Variants in RTEL1 observed in about 807,000 individuals in gnomAD.
RTEL1 encodes the protein regulator of telomere elongation helicase 1, also known as regulator of telomere length.
Under a neutral mutation model 162.2 loss-of-function variants are expected in RTEL1, and 86 were observed. The observed-to-expected ratio is 0.53, with a 90% CI of 0.45 to 0.63. The LOEUF is 0.63. RTEL1 is among the 30% of genes least tolerant of loss of function. RTEL1 has a pLI of 0.00. For synonymous variants in RTEL1, 958 were observed against 717.9 expected (o/e 1.33, Z -5.35); for missense variants, 1,941 against 1,750.2 (o/e 1.11, Z -1.95).
chr20:63,662,542 C>A lies in RTEL1; in HGVS notation c.396-4C>A. The A allele has an allele frequency of 6.2e-7, 1 of 1,614,036 alleles. No individual in the cohort carries two copies. Among genetic ancestry groups the A allele is most frequent in the Non-Finnish European group, 8.5e-7 (1 of 1,180,016 alleles). ...CCTCGACCCACGGTGCTCTCTCCCACCAGGCCTAAGGTGTGTGTGCTGGGC... is the reference window on the plus strand; with the variant it reads ...CCTCGACCCACGGTGCTCTCTCCCAACAGGCCTAAGGTGTGTGTGCTGGGC... On this transcript the variant is annotated splice_polypyrimidine_tract_variant and splice_region_variant and intron_variant, in intron 4 of 34. Transcript: ENST00000360203.
chr20:63,695,420 G>A lies in RTEL1; in HGVS notation c.3592G>A (p.Glu1198Lys), dbSNP rs771457769. 3.9e-5 allele frequency: 61 copies of A among 1,563,212 alleles called. No homozygotes were observed. The highest frequency in any genetic ancestry group is 4.9e-5 in the Non-Finnish European group (57 of 1,153,686). ...RPAGTVGAGG[E>K]DAGPSQSSGP... ...AGCAGGGACTGTGGGGGCGGGCGGT[G>A]AGGATGCAGGTCCCAGCCAGTCCTC... Residue 1198 changes from glutamate (E) to lysine (K), a missense_variant, in exon 34 of 35, where the codon GAG becomes AAG. Glu to Lys is a moderately conservative substitution (Grantham distance 56). Coordinates refer to ENST00000360203, the MANE Select transcript of RTEL1 (RefSeq NM_001283009.2).
At position 63,693,277 on chromosome 20, in the gene RTEL1, C is replaced by T; in HGVS notation, c.2986C>T (p.Pro996Ser). Residue 996 changes from proline to serine, a missense_variant, in exon 30 of 35, where the codon CCC becomes TCC. Pro to Ser is a moderately conservative substitution (Grantham distance 74). Coordinates refer to ENST00000360203, the MANE Select transcript of RTEL1 (RefSeq NM_001283009.2). ...RRQRAQPVLD[P>S]TGRTAPDPKL... Reference sequence around the variant, plus strand: ...GCAGCGGGCACAGCCGGTCCTGGACCCCACTGGTAAATGGGGCCCCAGGTG... The same window carrying T: ...GCAGCGGGCACAGCCGGTCCTGGACTCCACTGGTAAATGGGGCCCCAGGTG... 3 of 1,611,674 alleles carry T rather than the reference C, an allele frequency of 1.9e-6. No individual in the cohort carries two copies. The highest frequency in any genetic ancestry group is 1.7e-6 in the Non-Finnish European group (2 of 1,179,358).
Position 63,677,895 on chromosome 20 carries a change from C to A in RTEL1, c.920-250C>A, listed in dbSNP as rs58945847. On this transcript the variant is annotated intron_variant, in intron 10 of 34. Coordinates refer to ENST00000360203, the MANE Select transcript of RTEL1 (RefSeq NM_001283009.2). Reference sequence around the variant, plus strand: ...GATTCTGTGTGGCCTCTTCCTTCCCCTGTTGGTGGATTTGGCCTGCACGGA... The same window carrying A: ...GATTCTGTGTGGCCTCTTCCTTCCCATGTTGGTGGATTTGGCCTGCACGGA... Among the ~76,000 whole-genome samples, 14 of 48,238 alleles carry A rather than the reference C, an allele frequency of 2.9e-4. No homozygotes were observed. In the South Asian group the frequency reaches 9.3e-3, roughly 32 times the overall value. 31.6% of individuals were successfully genotyped at this position (48,238 alleles called of 152,430 possible).
intron 2 of RTEL1, among the ~76,000 whole-genome samples, chr20:63,659,809 C>T (rs1050605321): frequency 3.4e-4 from 47 of 140,254 alleles, no homozygotes; most frequent in African/African-American, 1.3e-3. Context: ...AGGGGACCGG[C>T]GCTCAGCATA....
At position 63,659,398 on chromosome 20, in the gene RTEL1, C is replaced by T. The variant is rs2089972643; in HGVS notation, c.-5C>T. On this transcript the variant is annotated 5_prime_UTR_variant, in exon 2 of 35. Transcript: ENST00000360203. The stretch of plus-strand genomic sequence containing the variant: ...CGCTCTGTGCCCTTCTGAGAACAGG[C>T]TGATATGCCCAAGATAGTCCTGAAT... 1 of 1,611,594 alleles carries T rather than the reference C, an allele frequency of 6.2e-7. No homozygotes were observed. The highest frequency in any genetic ancestry group is 1.3e-5 in the African/African-American group (1 of 74,886).
At position 63,674,092 on chromosome 20, in the gene RTEL1, A is replaced by G; in HGVS notation, c.918A>G (p.Pro306=). ...AGTTCAGCGCGGACTCCCCCAGCCC[A>G]GGTGCGTTCATAGCCAGACTGCTTG... ...HPEFSADSPS[P]GLNMELEDIA... The change falls in exon 10 of 35, where the codon CCA becomes CCG. Residue 306 remains proline (P), a splice_region_variant and synonymous_variant. Coordinates refer to ENST00000360203, the MANE Select transcript of RTEL1 (RefSeq NM_001283009.2). 6.2e-7 allele frequency: 1 copy of G among 1,608,394 alleles called. No homozygotes were observed.
chr20:63,689,814 G>A lies in RTEL1; in HGVS notation c.2090G>A (p.Arg697Gln), dbSNP rs1176364985. The A allele has an allele frequency of 3.1e-6, 5 of 1,611,976 alleles. No individual in the cohort carries two copies. The highest frequency in any genetic ancestry group is 1.1e-5 in the South Asian group (1 of 91,078). Reference sequence around the variant, plus strand: ...AGGGCTGTGAACCAGGCCATCGGGCGAGTGATCCGGCACCGCCAGGACTAC... The same window carrying A: ...AGGGCTGTGAACCAGGCCATCGGGCAAGTGATCCGGCACCGCCAGGACTAC... ...ASRAVNQAIG[R>Q]VIRHRQDYGA... is the part of the protein sequence containing the mutation. The change falls in exon 24 of 35, where the codon CGA becomes CAA. Residue 697 changes from arginine to glutamine, a missense_variant. Arg to Gln is a conservative substitution (Grantham distance 43). Coordinates refer to ENST00000360203, the MANE Select transcript of RTEL1 (RefSeq NM_001283009.2).
At chr20:63,693,504 A>ACGTCCACCACCT (rs2090850012) in intron 30 of RTEL1, among the ~76,000 whole-genome samples, 1 of 5,976 alleles carries the variant, frequency 1.7e-4, no homozygotes. Flanking sequence ...CACCTCCACC[A>ACGTCCACCACCT]CCACCTCCTC....
rs1414761443 is a variant in RTEL1, at chr20:63,693,471, A to T, written c.2992+188A>T. 3.8e-4 allele frequency among the ~76,000 whole-genome samples: 21 copies of T among 54,820 alleles called. 1 individual carries two copies. Among genetic ancestry groups the T allele is most frequent in the African/African-American group, 1.1e-3 (14 of 13,110 alleles). The allele number at this position is 54,820 out of a possible 152,430, so 36.0% of individuals were successfully genotyped here. On this transcript the variant is annotated intron_variant, in intron 30 of 34. Transcript: ENST00000360203. The stretch of plus-strand genomic sequence containing the variant: ...CAGCACCACCTCCACCTCCACCTCC[A>T]CCTCCACCTCCACCACCACCTCCAC...
intron 9 of RTEL1, 125 bp downstream of exon 9, chr20:63,672,746 C>T: frequency 1.3e-6 from 1 of 775,322 alleles, no homozygotes; most frequent in Admixed American, 2.1e-5. Context: ...GGACTGGGGA[C>T]TGAGCACACC....
intron 22 of RTEL1, 82 bp from the exon 23 acceptor site, chr20:63,689,420 C>G (rs866197051): frequency 9.1e-6 from 13 of 1,429,556 alleles, no homozygotes; most frequent in Non-Finnish European, 1.2e-5. Context: ...GACGGAGCCT[C>G]GGGGAAGGTG....
intron 23 of RTEL1, 21 bp downstream of exon 23, chr20:63,689,669 G>A: frequency 6.2e-7 from 1 of 1,609,014 alleles, no homozygotes. Context: ...GCAGGGTGGG[G>A]CTGGGGTAAG....
Position 63,692,875 on chromosome 20 carries a change from G to A in RTEL1, c.2723G>A (p.Ser908Asn), listed in dbSNP as rs1211605868. The change falls in exon 29 of 35, where the codon AGC (serine) becomes AAC (asparagine). Residue 908 changes from serine to asparagine, a missense_variant. Physicochemically the swap from Ser to Asn is conservative, Grantham distance 46. Coordinates refer to ENST00000360203, the MANE Select transcript of RTEL1 (RefSeq NM_001283009.2). ...LFMVAVKQEL[S>N]QANFATFTQA... ...ATGGTGGCCGTGAAGCAGGAGTTGA[G>A]CCAAGCCAACTTTGCCACCTTCACC... 3.7e-6 allele frequency: 6 copies of A among 1,612,530 alleles called. No individual in the cohort carries two copies. Among genetic ancestry groups the A allele is most frequent in the Non-Finnish European group, 5.1e-6 (6 of 1,179,860 alleles).
At chr20:63,688,914 AGGAAGAAGCTTCCAGAACCCGAT>A in intron 21 of RTEL1, 118 bp from the exon 22 acceptor site, 1 of 787,756 alleles carries the variant, frequency 1.3e-6, no homozygotes, top group Non-Finnish European at 2.1e-6. Flanking sequence ...GATCCGTGCC[AGGAAGAAGCTTCCAGAACCCGAT>A]TGGCCTTCCT....
At chr20:63,683,213 G>A (rs1329403901) in intron 14 of RTEL1, among the ~76,000 whole-genome samples, 2 of 152,192 alleles carry the variant, frequency 1.3e-5, no homozygotes, top group East Asian at 1.9e-4. Context: ...CAGTCTGCCC[G>A]CCTTGGCCTC....
At chr20:63,683,007 C>G (rs555991395) in intron 14 of RTEL1, among the ~76,000 whole-genome samples, 2 of 152,106 alleles carry the variant, frequency 1.3e-5, no homozygotes, top group Admixed American at 1.3e-4. Context: ...TTTGTCACCC[C>G]GGCTGGAGTG....
chr20:63,692,238 G>C (rs538240619), intron 28 of RTEL1: 1 of 224,388 alleles, frequency 4.5e-6, no homozygotes, highest in Non-Finnish European at 8.9e-6. Context: ...GGCGGCCTTT[G>C]TCCATGTCCC....
chr20:63,667,413 G>A lies in RTEL1; in HGVS notation c.615-56G>A, dbSNP rs375355567. On this transcript the variant is annotated intron_variant, in intron 7 of 34. Transcript: ENST00000360203. Reference sequence around the variant, plus strand: ...CCGGGTCAGAAGACATGGCGGCCTCGGGGCACCGTCCCCTGCATGGGGTGC... The same window carrying A: ...CCGGGTCAGAAGACATGGCGGCCTCAGGGCACCGTCCCCTGCATGGGGTGC... The A allele has an allele frequency of 1.8e-3, 2,584 of 1,410,662 alleles. 3 individuals carry two copies. Among genetic ancestry groups the A allele is most frequent in the Non-Finnish European group, 2.2e-3 (2,177 of 995,594 alleles). 87.4% of individuals were successfully genotyped at this position (1,410,662 alleles called of 1,614,324 possible).
Position 63,691,800 on chromosome 20 carries a change from G to A in RTEL1, c.2615G>A (p.Arg872Gln), listed in dbSNP as rs751636582. 1.2e-5 allele frequency: 19 copies of A among 1,612,330 alleles called. No individual in the cohort carries two copies. Among genetic ancestry groups the A allele is most frequent in the East Asian group, 2.2e-5 (1 of 44,870 alleles). ...GAGAAGAGGCCGGCAGAAGAACCGC[G>A]AGGAGGGAGGAAGAAGATCCGGCTG... is the stretch of plus-strand genomic sequence containing the variant. ...LSEKRPAEEP[R>Q]GGRKKIRLVS... Residue 872 changes from arginine (R) to glutamine (Q), a missense_variant, in exon 28 of 35, where the codon CGA becomes CAA. By Grantham distance (43) the Arg-to-Gln change is conservative. Coordinates refer to ENST00000360203, the MANE Select transcript of RTEL1 (RefSeq NM_001283009.2).
Sources: allele counts gnomAD v4.1 joint callset (sites outside exome capture counted in the v4.1 genomes callset), GRCh38; gene constraint gnomAD v4.1.1; transcripts MANE v1.5; gene names NCBI Gene and HGNC (gene_info 2026-07-23, HGNC 2026-07-21).